Variants in GRID2 observed in about 807,000 individuals in gnomAD.
The protein encoded by GRID2 is glutamate ionotropic receptor delta type subunit 2, also known as glutamate receptor ionotropic, delta-2.
In GRID2, 33 loss-of-function variants were observed where a neutral mutation model predicts 114.8. The ratio of observed to expected loss-of-function variants is 0.29; its 90% confidence interval spans 0.22 to 0.38. The LOEUF (loss-of-function observed/expected upper bound fraction) is 0.38, where lower values mean the gene tolerates loss of function less well. Among genes scored for constraint, GRID2 ranks in the 10% least tolerant of loss-of-function variants. The pLI is 1.00. For synonymous variants in GRID2, 505 were observed against 449.9 expected (o/e 1.12, Z -1.55); for missense variants, 1,184 against 1,257.7 (o/e 0.94, Z 0.89).
intron 1 of GRID2, among the ~76,000 whole-genome samples, chr4:92,376,916 G>A (rs1729381209): frequency 6.6e-6 from 1 of 152,128 alleles, no homozygotes; most frequent in African/African-American, 2.4e-5. Context: ...CCCTGGGTCT[G>A]GTCCACGAAA....
chr4:92,961,873 T>G (rs1184326810), intron 2 of GRID2, among the ~76,000 whole-genome samples: 1 of 151,922 alleles, frequency 6.6e-6, no homozygotes, highest in Non-Finnish European at 1.5e-5. Flanking sequence ...TAATCTTTTT[T>G]TATTTTTCTT....
chr4:93,671,237 A>G (rs1366057242), intron 14 of GRID2, among the ~76,000 whole-genome samples: 2 of 152,134 alleles, frequency 1.3e-5, no homozygotes, highest in African/African-American at 4.8e-5. Context: ...CACTAAAGAG[A>G]AGGGTTTGAT....
At chr4:93,728,669 C>A (rs568313616) in intron 14 of GRID2, among the ~76,000 whole-genome samples, 1 of 152,188 alleles carries the variant, frequency 6.6e-6, no homozygotes, top group African/African-American at 2.4e-5. Flanking sequence ...TCTGGGTGCT[C>A]GTGTATTGGG....
chr4:92,904,659 A>C (rs565174945), intron 2 of GRID2, among the ~76,000 whole-genome samples: 40 of 152,102 alleles, frequency 2.6e-4, no homozygotes, highest in African/African-American at 9.1e-4. Context: ...TATATAAATT[A>C]GATGTGATAA....
Position 93,263,158 on chromosome 4 carries a change from G to A in GRID2, c.1245+24668G>A, listed in dbSNP as rs1417746607. On this transcript the variant is annotated intron_variant, in intron 8 of 15. Transcript: ENST00000282020. Reference sequence around the variant, plus strand: ...GCCTAGTATTTTTAATCAATTTTTCGAGATCTTTCCATGCCAAGGATTTTA... The same window carrying A: ...GCCTAGTATTTTTAATCAATTTTTCAAGATCTTTCCATGCCAAGGATTTTA... Among the ~76,000 whole-genome samples, 9 of 151,116 alleles carry A rather than the reference G, an allele frequency of 6.0e-5. No individual in the cohort carries two copies. The East Asian group carries it at 9.7e-4, about 16-fold the overall frequency.
At chr4:93,606,986 G>C (rs1421211501) in intron 13 of GRID2, among the ~76,000 whole-genome samples, 1 of 151,964 alleles carries the variant, frequency 6.6e-6, no homozygotes, top group East Asian at 1.9e-4. Context: ...TAATAAACTT[G>C]ACTTTCAAAA....
chr4:92,990,281 G>GTATATATA lies in GRID2; in HGVS notation c.245-94713_245-94712insATATATAT, dbSNP rs1424772351. Among the ~76,000 whole-genome samples, 45 of 50,100 alleles carry GTATATATA rather than the reference G, an allele frequency of 9.0e-4. 1 individual carries two copies. The highest frequency in any genetic ancestry group is 2.6e-3 in the African/African-American group (44 of 16,810). The allele number at this position is 50,100 out of a possible 152,430, so 32.9% of individuals were successfully genotyped here. On this transcript the variant is annotated intron_variant, in intron 2 of 15. Transcript: ENST00000282020. ...TGTATATATATATGTACGTAGATAT[G>GTATATATA]TGTGTGTATATATATATATATATAT...
chr4:92,457,053 G>A (rs1156348493), intron 1 of GRID2, among the ~76,000 whole-genome samples: 1 of 151,958 alleles, frequency 6.6e-6, no homozygotes, highest in Non-Finnish European at 1.5e-5. Flanking sequence ...CTTACAACTG[G>A]CATGAGCTTC....
intron 1 of GRID2, among the ~76,000 whole-genome samples, chr4:92,307,608 A>T (rs1477306806): frequency 6.6e-6 from 1 of 152,208 alleles, no homozygotes; most frequent in Admixed American, 6.5e-5. Flanking sequence ...TTTGTTAAAC[A>T]TATTGATTCA....
chr4:93,628,943 T>A (rs556843644), intron 14 of GRID2, among the ~76,000 whole-genome samples: 1 of 152,164 alleles, frequency 6.6e-6, no homozygotes, highest in East Asian at 1.9e-4. Context: ...TTTTTTGTAT[T>A]TTTAGTAGAA....
intron 14 of GRID2, among the ~76,000 whole-genome samples, chr4:93,712,684 T>C (rs757067059): frequency 6.6e-6 from 1 of 152,190 alleles, no homozygotes; most frequent in Non-Finnish European, 1.5e-5. Context: ...AGTATTCAAC[T>C]GATACATAAA....
chr4:92,468,564 A>G (rs1391833960), intron 1 of GRID2, among the ~76,000 whole-genome samples: 1 of 152,104 alleles, frequency 6.6e-6, no homozygotes, highest in Non-Finnish European at 1.5e-5. Context: ...TTTAAGTAAG[A>G]TACAGTTTTT....
intron 14 of GRID2, among the ~76,000 whole-genome samples, chr4:93,675,731 T>C (rs1724794651): frequency 6.6e-6 from 1 of 152,228 alleles, no homozygotes. Flanking sequence ...GAAAATGGCC[T>C]GTTTCTCTAA....
At chr4:93,390,210 G>A (rs531764807) in intron 8 of GRID2, among the ~76,000 whole-genome samples, 3 of 152,280 alleles carry the variant, frequency 2.0e-5, no homozygotes, top group Admixed American at 1.3e-4. Context: ...TTGTCCTGGG[G>A]TTTGGATGGA....
intron 3 of GRID2, among the ~76,000 whole-genome samples, chr4:93,092,808 T>A (rs1179146808): frequency 6.6e-6 from 1 of 151,872 alleles, no homozygotes; most frequent in Non-Finnish European, 1.5e-5. Context: ...TGACAACAGA[T>A]CAGCAGTCAT....
At chr4:92,840,199 A>G (rs79461429) in intron 2 of GRID2, among the ~76,000 whole-genome samples, 7,598 of 151,868 alleles carry the variant, frequency 0.05, 351 homozygotes, top group East Asian at 0.19. Context: ...TTTCCAGTCT[A>G]TGTGTGTCTT....
chr4:93,087,406 A>G (rs1340039687), intron 3 of GRID2, among the ~76,000 whole-genome samples: 1 of 152,148 alleles, frequency 6.6e-6, no homozygotes, highest in Non-Finnish European at 1.5e-5. Flanking sequence ...AAGAAAGAAA[A>G]TTCCTTGTTA....
At chr4:93,790,663 T>C (rs1041226505) in intron 1 of GRID2, among the ~76,000 whole-genome samples, 3 of 152,040 alleles carry the variant, frequency 2.0e-5, no homozygotes, top group Non-Finnish European at 4.4e-5. Context: ...TAAAAACTAA[T>C]CTTTTGACAA....
intron 11 of GRID2, among the ~76,000 whole-genome samples, chr4:93,480,840 T>A (rs1039408861): frequency 2.6e-5 from 4 of 152,160 alleles, no homozygotes; most frequent in Middle Eastern, 3.4e-3. Flanking sequence ...ATTGGCCTTC[T>A]CATGTAAGAG....
Sources: allele counts gnomAD v4.1 joint callset (sites outside exome capture counted in the v4.1 genomes callset), GRCh38; gene constraint gnomAD v4.1.1; transcripts MANE v1.5; gene names NCBI Gene and HGNC (gene_info 2026-07-23, HGNC 2026-07-21).